The following ZBTB34 variants were observed in gnomAD, a reference collection of about 807,000 sequenced individuals.
ZBTB34 encodes zinc finger and BTB domain-containing protein 34.
In ZBTB34, 1 loss-of-function variant was observed where a neutral mutation model predicts 33.4. The observed-to-expected ratio is 0.03, with a 90% CI of 0.01 to 0.14. ZBTB34 has a LOEUF of 0.14. Ranked by LOEUF, ZBTB34 falls within the 10% of genes least tolerant of loss-of-function variation. The pLI is 1.00. For synonymous variants in ZBTB34, 283 were observed against 253.5 expected, an observed-to-expected ratio of 1.12 and a Z score of -1.11; for missense variants, 406 against 657.2, an observed-to-expected ratio of 0.62 and a Z score of 4.18.
At chr9:126,868,907 C>T (rs943854776) in intron 1 of ZBTB34, among the ~76,000 whole-genome samples, 4 of 152,120 alleles carry the variant, frequency 2.6e-5, no homozygotes, top group Non-Finnish European at 4.4e-5. Flanking sequence ...GGGTCCGGGG[C>T]TCTGAGGAGG....
At chr9:126,881,054 A>G (rs565346819) in exon 2 of ZBTB34, 53 of 984,614 alleles carry the variant, frequency 5.4e-5, no homozygotes, top group Non-Finnish European at 7.8e-5. Context: ...TGGATGGAAC[A>G]CTTCGTTGTG....
At position 126,880,692 on chromosome 9, in the gene ZBTB34, A is replaced by T. The variant is rs201818412; in HGVS notation, c.1293A>T (p.Pro431=). The T allele has an allele frequency of 4.8e-5, 77 of 1,613,872 alleles. No individual in the cohort carries two copies. The Middle Eastern group carries it at 2.3e-3, about 48-fold the overall frequency. ...TCCGGGGCCATACAGATGATAAACC[A>T]TTCCGCTGTGAGATCTGCGGGAAGT... Residue 431 remains proline (P), a synonymous_variant, in exon 2 of 2, where the codon CCA becomes CCT. Transcript: ENST00000319119. The surrounding 1 kb of genome is among the most constrained non-coding windows in gnomAD (Gnocchi z 6.7).
chr9:126,873,430 A>T (rs2033307629), intron 1 of ZBTB34, among the ~76,000 whole-genome samples: 1 of 151,568 alleles, frequency 6.6e-6, no homozygotes, highest in Non-Finnish European at 1.5e-5. Flanking sequence ...TGCCTGACTA[A>T]TTTTTGTATT....
intron 1 of ZBTB34, among the ~76,000 whole-genome samples, chr9:126,877,985 C>T (rs1035625987): frequency 3.3e-5 from 5 of 151,782 alleles, no homozygotes; most frequent in Non-Finnish European, 5.9e-5. Flanking sequence ...GACGACAGAG[C>T]GAGACTCCAT....
At chr9:126,863,758 A>G (rs551246175) in intron 1 of ZBTB34, 2 of 978,922 alleles carry the variant, frequency 2.0e-6, no homozygotes, top group South Asian at 9.4e-5. Flanking sequence ...GACTTAATGT[A>G]TTTTCCAGGG....
rs922681783 is a variant in ZBTB34 at position 126,879,346 on chromosome 9, G to A, written c.-10-44G>A. 4 of 1,503,574 alleles carry A rather than the reference G, an allele frequency of 2.7e-6. No homozygotes were observed. Among genetic ancestry groups the A allele is most frequent in the African/African-American group, 1.4e-5 (1 of 72,300 alleles). The allele number at this position is 1,503,574 out of a possible 1,614,324, so 93.1% of individuals were successfully genotyped here. Reference sequence around the variant, plus strand: ...CTTGTGTTTATGCCACTTGTACTTAGTGAGGAGTCATTGGTGAATGATGCA... The same window carrying A: ...CTTGTGTTTATGCCACTTGTACTTAATGAGGAGTCATTGGTGAATGATGCA... On this transcript the variant is annotated intron_variant, in intron 1 of 1. Transcript: ENST00000319119. This position sits in a 1 kb window ranked among gnomAD's most constrained non-coding sequence, Gnocchi z 6.4.
intron 1 of ZBTB34, among the ~76,000 whole-genome samples, chr9:126,862,429 G>A (rs943768593): frequency 1.3e-5 from 2 of 152,060 alleles, no homozygotes; most frequent in African/African-American, 4.8e-5. Flanking sequence ...TGCCTGCCAC[G>A]GTATGTCCAG....
chr9:126,885,814 T>C (rs2033515123), exon 2 of ZBTB34: 1 of 167,148 alleles, frequency 6.0e-6, no homozygotes, highest in African/African-American at 2.4e-5. Context: ...GTAAATGGCT[T>C]TTTTATGGTA....
chr9:126,872,880 C>T (rs1367211211), intron 1 of ZBTB34, among the ~76,000 whole-genome samples: 4 of 152,122 alleles, frequency 2.6e-5, no homozygotes, highest in Non-Finnish European at 5.9e-5. Context: ...AATGGAATCC[C>T]ACTCTTAGGT....
At position 126,880,492 on chromosome 9, in the gene ZBTB34, G is replaced by A; in HGVS notation, c.1093G>A (p.Ala365Thr). 1 of 1,613,844 alleles carries A rather than the reference G, an allele frequency of 6.2e-7. No homozygotes were observed. The highest frequency in any genetic ancestry group is 8.5e-7 in the Non-Finnish European group (1 of 1,179,888). ...TGAGAGCAGTCCCCGGGAGAGGAGT[G>A]CGAGAGGGCATTGGTACCCGTACAA... The change falls in exon 2 of 2, where the codon GCG becomes ACG. Residue 365 changes from alanine to threonine, a missense_variant. By Grantham distance (58) the Ala-to-Thr change is moderately conservative. Transcript: ENST00000319119. The surrounding 1 kb of genome is among the most constrained non-coding windows in gnomAD (Gnocchi z 6.7).
exon 2 of ZBTB34, chr9:126,883,289 A>C (rs1274336298): frequency 6.0e-6 from 1 of 167,068 alleles, no homozygotes; most frequent in Non-Finnish European, 1.5e-5. Context: ...TAAGAGGTCA[A>C]GCTCAGGGAA....
At chr9:126,873,258 A>G (rs1185119386) in intron 1 of ZBTB34, among the ~76,000 whole-genome samples, 1 of 152,070 alleles carries the variant, frequency 6.6e-6, no homozygotes, top group Non-Finnish European at 1.5e-5. Flanking sequence ...ATTTTGTCTC[A>G]TGTTTATGCA....
chr9:126,879,583 C>A lies in ZBTB34; in HGVS notation c.184C>A (p.Arg62=), dbSNP rs2033406157. 6.2e-7 allele frequency: 1 copy of A among 1,613,802 alleles called. No homozygotes were observed. Among genetic ancestry groups the A allele is most frequent in the Non-Finnish European group, 8.5e-7 (1 of 1,179,896 alleles). The change falls in exon 2 of 2, where the codon CGG becomes AGG. Residue 62 remains arginine (R), a synonymous_variant. Coordinates refer to ENST00000319119, the Ensembl canonical transcript of ZBTB34. The surrounding 1 kb of genome is among the most constrained non-coding windows in gnomAD (Gnocchi z 6.4). ...CCTTGCTGCCAGCTCCCCATATTTCCGGGACCATTCAGCGTTAAGTACCAT... is the reference window on the plus strand; with the variant it reads ...CCTTGCTGCCAGCTCCCCATATTTCAGGGACCATTCAGCGTTAAGTACCAT...
At chr9:126,868,194 G>A (rs1363208587) in intron 1 of ZBTB34, among the ~76,000 whole-genome samples, 3 of 152,112 alleles carry the variant, frequency 2.0e-5, no homozygotes, top group Non-Finnish European at 2.9e-5. Flanking sequence ...TCTCTCCCTT[G>A]TGTGTTGTTG....
chr9:126,881,004 T>C (rs2033432733), exon 2 of ZBTB34: 1 of 1,389,280 alleles, frequency 7.2e-7, no homozygotes, highest in Admixed American at 2.7e-5. Context: ...CCCAACCATC[T>C]GGAAATCTCT....
chr9:126,880,628 GGAA>G lies in ZBTB34; in HGVS notation c.1234_1236del (p.Lys412del). On this transcript the variant is annotated inframe_deletion, in exon 2 of 2. Coordinates refer to ENST00000319119, the Ensembl canonical transcript of ZBTB34. The surrounding 1 kb of genome is among the most constrained non-coding windows in gnomAD (Gnocchi z 6.7). ...ACCCCCTTTGTGTGCAAGTTCTGTG[GGAA>G]GAAGTACACACGGAAGGACCAACTG... The G allele has an allele frequency of 6.2e-7, 1 of 1,613,900 alleles. No individual in the cohort carries two copies. Among genetic ancestry groups the G allele is most frequent in the Non-Finnish European group, 8.5e-7 (1 of 1,179,904 alleles).
At chr9:126,864,552 AG>A (rs1267528943) in intron 1 of ZBTB34, among the ~76,000 whole-genome samples, 1 of 152,228 alleles carries the variant, frequency 6.6e-6, no homozygotes, top group Non-Finnish European at 1.5e-5. Flanking sequence ...ATGTTCTTTC[AG>A]GCTCACATGA....
At chr9:126,878,418 C>A (rs1248753918) in intron 1 of ZBTB34, among the ~76,000 whole-genome samples, 1 of 151,182 alleles carries the variant, frequency 6.6e-6, no homozygotes, top group Non-Finnish European at 1.5e-5. Flanking sequence ...TTCAGTGAGC[C>A]GAGATCACGC....
At chr9:126,883,084 C>T (rs959286278) in exon 2 of ZBTB34, 2 of 166,768 alleles carry the variant, frequency 1.2e-5, no homozygotes, top group African/African-American at 4.8e-5. Context: ...CTGTTAAAGC[C>T]GCGTGCCTCA....
Sources: gnomAD v4.1 joint callset for allele counts (sites outside exome capture counted in the v4.1 genomes callset) on GRCh38, gnomAD v4.1.1 for gene constraint, Gnocchi (gnomAD v3.1) non-coding constraint, MANE v1.5 for transcripts, NCBI Gene and HGNC (gene_info 2026-07-23, HGNC 2026-07-21) for gene names.